Variants in EPG5 observed in about 807,000 individuals in gnomAD.
EPG5 encodes ectopic P granules protein 5 homolog.
A neutral mutation model predicts 302.7 loss-of-function variants in EPG5; 159 were observed. The ratio of observed to expected loss-of-function variants is 0.53; its 90% CI spans 0.46 to 0.60. EPG5 has a LOEUF of 0.60. EPG5 is among the 20% of genes least tolerant of loss of function. EPG5 has a pLI of 0.00. For missense variants in EPG5, 2,896 were observed against 3,092.4 expected (o/e 0.94, Z 1.51); for synonymous variants, 1,158 against 1,136.8 (o/e 1.02, Z -0.37).
chr18:45,865,765 C>CAAAAAAAA lies in EPG5; in HGVS notation c.6622-14_6622-7dup, dbSNP rs11333207. The CAAAAAAAA allele has an allele frequency of 4.8e-5, 68 of 1,411,720 alleles. 1 individual carries two copies. In the African/African-American group the frequency reaches 9.2e-4, roughly 19 times the overall value. The allele number at this position is 1,411,720 out of a possible 1,614,324, so 87.4% of individuals were successfully genotyped here. ...TGGCATTTTGGAACTGCATCCTGACCAAAAAAAAAAAAAAAAATCATTCAA... is the reference window on the plus strand; with the variant it reads ...TGGCATTTTGGAACTGCATCCTGACCAAAAAAAAAAAAAAAAAAAAAAAAATCATTCAA... On this transcript the variant is annotated splice_region_variant and splice_polypyrimidine_tract_variant and intron_variant, in intron 38 of 43. Transcript: ENST00000282041.
intron 14 of EPG5, 62 bp downstream of exon 14, chr18:45,925,676 T>A: frequency 7.7e-7 from 1 of 1,297,270 alleles, no homozygotes; most frequent in Non-Finnish European, 1.0e-6. Flanking sequence ...TTTGACAAAA[T>A]CCTTCTTTGA....
intron 10 of EPG5, 21 bp from the exon 11 acceptor site, chr18:45,934,987 T>G (rs1265150210): frequency 6.3e-7 from 1 of 1,585,832 alleles, no homozygotes; most frequent in Non-Finnish European, 8.6e-7. Flanking sequence ...GCAGGAATCA[T>G]TTTATTTATT....
chr18:45,838,502 C>T, the EPG5 span: 847 of 658,564 alleles, frequency 1.3e-3, 14 homozygotes, highest in Non-Finnish European at 9.3e-5. Context: ...CCTCTTAAGG[C>T]AACTGCTATC....
rs1396270570 is a variant in EPG5, at chr18:45,912,281, G to A, written c.3983+9C>T. The A allele has an allele frequency of 6.4e-7, 1 of 1,569,574 alleles. No homozygotes were observed. Among genetic ancestry groups the A allele is most frequent in the Non-Finnish European group, 8.6e-7 (1 of 1,161,382 alleles). ...GACTCACAGAAACCTACAATACTGG[G>A]CAGCATACCCATACTGTGGTCCCGG... On this transcript the variant is annotated intron_variant, in intron 22 of 43. Coordinates refer to ENST00000282041, the MANE Select transcript of EPG5 (RefSeq NM_020964.3).
chr18:45,868,400 C>T (rs9964968), intron 36 of EPG5, among the ~76,000 whole-genome samples: 2,248 of 151,176 alleles, frequency 0.015, 47 homozygotes, highest in African/African-American at 0.046. Flanking sequence ...CGCAATGGCA[C>T]GATCTTGGCT....
intron 22 of EPG5, 24 bp downstream of exon 22, chr18:45,912,266 A>G (rs1401752723): frequency 6.5e-7 from 1 of 1,534,430 alleles, no homozygotes; most frequent in Non-Finnish European, 8.7e-7. Context: ...GACTCACAGA[A>G]ACCTACAATA....
chr18:45,833,719 A>ATTG, the EPG5 span, among the ~76,000 whole-genome samples: 1 of 152,214 alleles, frequency 6.6e-6, no homozygotes, highest in Non-Finnish European at 1.5e-5. Flanking sequence ...TGCTGTCATT[A>ATTG]TTGTTGCTGT....
At chr18:45,817,260 TA>T in the EPG5 span, among the ~76,000 whole-genome samples, 4 of 152,086 alleles carry the variant, frequency 2.6e-5, no homozygotes, top group African/African-American at 4.8e-5. Context: ...CCCAATAACC[TA>T]TGGGAATAAA....
At chr18:45,902,259 T>C (rs1056008450) in intron 25 of EPG5, among the ~76,000 whole-genome samples, 1 of 152,230 alleles carries the variant, frequency 6.6e-6, no homozygotes, top group African/African-American at 2.4e-5. Flanking sequence ...ACATTTCAAA[T>C]AGGTCAAGTA....
chr18:45,829,071 G>A, the EPG5 span: 3 of 985,566 alleles, frequency 3.0e-6, no homozygotes, highest in South Asian at 4.7e-5. Context: ...TGGGCAGGGG[G>A]TGGGGGCACC....
At position 45,901,021 on chromosome 18, in the gene EPG5, G is replaced by A. The variant is rs1321980926; in HGVS notation, c.4621C>T (p.Leu1541=). ...KDATQLVCTD[L]NLLQQQARTA... ...CTGGCCTGCTGTTGCAACAGATTCA[G>A]GTCTGTGCACACCAGCTGGGTGGCG... Residue 1541 remains leucine (L), a synonymous_variant, in exon 26 of 44, where the codon CTG becomes TTG. Transcript: ENST00000282041. 32 of 1,613,844 alleles carry A rather than the reference G, an allele frequency of 2.0e-5. No homozygotes were observed. In the Admixed American group the frequency reaches 3.3e-4, roughly 17 times the overall value.
At chr18:45,810,447 T>C in the EPG5 span, among the ~76,000 whole-genome samples, 1 of 152,130 alleles carries the variant, frequency 6.6e-6, no homozygotes, top group East Asian at 1.9e-4. Context: ...CCAATGAACA[T>C]GGATGCTAAA....
intron 25 of EPG5, 125 bp from the exon 26 acceptor site, chr18:45,901,292 G>A (rs2049612081): frequency 1.3e-6 from 1 of 782,558 alleles, no homozygotes; most frequent in African/African-American, 1.7e-5. Flanking sequence ...TAGTTGAAGA[G>A]TTAAAGCTCA....
intron 1 of EPG5, among the ~76,000 whole-genome samples, chr18:45,961,858 CAAA>C (rs369369860): frequency 4.1e-5 from 4 of 98,484 alleles, no homozygotes; most frequent in Admixed American, 1.1e-4. Flanking sequence ...GACTCTGTCC[CAAA>C]AAAAAAAAAA....
chr18:45,905,667 A>C (rs1315457561), intron 24 of EPG5, among the ~76,000 whole-genome samples: 1 of 152,230 alleles, frequency 6.6e-6, no homozygotes. Flanking sequence ...AATACAAAAC[A>C]ACCCTGAGCT....
intron 39 of EPG5, 66 bp downstream of exon 39, chr18:45,865,549 C>G: frequency 1.3e-6 from 2 of 1,532,886 alleles, no homozygotes; most frequent in Admixed American, 3.5e-5. Context: ...CCTGATCTCA[C>G]AGTGCCTTAC....
the EPG5 span, among the ~76,000 whole-genome samples, chr18:45,816,374 T>C: frequency 2.0e-5 from 3 of 151,810 alleles, no homozygotes; most frequent in Non-Finnish European, 4.4e-5. Context: ...CTTCACAATC[T>C]ATACATCTGA....
intron 25 of EPG5, among the ~76,000 whole-genome samples, chr18:45,902,057 G>A (rs982641947): frequency 3.3e-5 from 5 of 152,164 alleles, no homozygotes; most frequent in African/African-American, 9.7e-5. Context: ...GAAGGCAGTG[G>A]TCAAGGGAAT....
chr18:45,840,555 G>A, the EPG5 span, among the ~76,000 whole-genome samples: 8 of 152,254 alleles, frequency 5.3e-5, no homozygotes, highest in African/African-American at 9.6e-5. Context: ...ACTCATCCCC[G>A]TTCCCCCCTG....
Sources: gnomAD v4.1 joint callset for allele counts (sites outside exome capture counted in the v4.1 genomes callset) on GRCh38, gnomAD v4.1.1 for gene constraint, MANE v1.5 for transcripts, NCBI Gene and HGNC (gene_info 2026-07-23, HGNC 2026-07-21) for gene names.